FBLN1: variants seen among roughly 807,000 people sequenced by gnomAD.
The protein encoded by FBLN1 is fibulin 1.
A neutral mutation model predicts 89.7 loss-of-function variants in FBLN1; 34 were observed. The ratio of observed to expected loss-of-function variants is 0.38; its 90% confidence interval spans 0.29 to 0.50. The LOEUF is 0.50. FBLN1 is among the 20% of genes least tolerant of loss of function. FBLN1 has a pLI of 0.92. For missense variants in FBLN1, 777 were observed against 988.1 expected (o/e 0.79, Z 2.86); for synonymous variants, 393 against 391.3 (o/e 1.00, Z -0.05).
intron 1 of FBLN1, among the ~76,000 whole-genome samples, chr22:45,508,837 G>A (rs974989452): frequency 2.6e-5 from 4 of 152,220 alleles, no homozygotes; most frequent in Admixed American, 2.6e-4. Context: ...GGGGGCAGGA[G>A]GCAGAATGAG....
intron 2 of FBLN1, among the ~76,000 whole-genome samples, chr22:45,525,175 G>A (rs537351125): frequency 7.9e-6 from 1 of 127,214 alleles, no homozygotes; most frequent in African/African-American, 3.3e-5. Context: ...GAGAGAAAGG[G>A]AGAAAGAGAG....
chr22:45,589,708 G>A (rs1478911866), intron 16 of FBLN1, among the ~76,000 whole-genome samples: 1 of 152,040 alleles, frequency 6.6e-6, no homozygotes, highest in Non-Finnish European at 1.5e-5. Flanking sequence ...GAGAGAGAAG[G>A]GGCATGACTG....
At chr22:45,509,963 T>G (rs2088076425) in intron 1 of FBLN1, among the ~76,000 whole-genome samples, 1 of 152,134 alleles carries the variant, frequency 6.6e-6, no homozygotes, top group Non-Finnish European at 1.5e-5. Flanking sequence ...TCCCATTCAC[T>G]TTTAAAAACT....
chr22:45,511,953 C>G (rs2088107367), intron 1 of FBLN1, among the ~76,000 whole-genome samples: 1 of 152,094 alleles, frequency 6.6e-6, no homozygotes, highest in African/African-American at 2.4e-5. Context: ...TGGTCAGATG[C>G]AGGGGTCAGA....
intron 4 of FBLN1, among the ~76,000 whole-genome samples, chr22:45,529,872 A>G (rs2088380641): frequency 6.6e-6 from 1 of 152,150 alleles, no homozygotes; most frequent in South Asian, 2.1e-4. Flanking sequence ...GTCTCAAAAA[A>G]AATAATAAAA....
In FBLN1 at chr22:45,600,560, GC is replaced by G; in HGVS notation, c.*115del. 1.6e-6 allele frequency: 2 copies of G among 1,220,598 alleles called. No homozygotes were observed. The highest frequency in any genetic ancestry group is 2.4e-6 in the Non-Finnish European group (2 of 824,544). The allele number at this position is 1,220,598 out of a possible 1,614,324, so 75.6% of individuals were successfully genotyped here. A position where few individuals can be genotyped will look rare whatever the true frequency, so the allele number is the denominator to read the frequency against. ...ACTTTTTTAATGTTAGGTATTTGTAGCATTAGGCCAACATGTATTAAGCTGA... is the reference window on the plus strand; with the variant it reads ...ACTTTTTTAATGTTAGGTATTTGTAGATTAGGCCAACATGTATTAAGCTGA... On this transcript the variant is annotated 3_prime_UTR_variant, in exon 17 of 17. Coordinates refer to ENST00000327858, the MANE Select transcript of FBLN1 (RefSeq NM_006486.3).
intron 16 of FBLN1, among the ~76,000 whole-genome samples, chr22:45,589,933 C>T (rs1450220768): frequency 6.6e-6 from 1 of 152,174 alleles, no homozygotes; most frequent in Non-Finnish European, 1.5e-5. Context: ...GACACCAGTT[C>T]CCGGTTTGGG....
In FBLN1 at chr22:45,532,832, T is replaced by A; in HGVS notation, c.545-231T>A. On this transcript the variant is annotated intron_variant, in intron 5 of 16. Coordinates refer to ENST00000327858, the MANE Select transcript of FBLN1 (RefSeq NM_006486.3). The surrounding 1 kb of genome is among the most constrained non-coding windows in gnomAD (Gnocchi z 4.2). ...TACAAAGGGCACCCTGCACACCACC[T>A]GATTTTCCAGACGGGGAGGTTGGGA... 5.0e-6 allele frequency: 3 copies of A among 596,874 alleles called. No homozygotes were observed. The highest frequency in any genetic ancestry group is 9.0e-6 in the Non-Finnish European group (3 of 333,774). The allele number at this position is 596,874 out of a possible 1,614,324, so 37.0% of individuals were successfully genotyped here. A position where few individuals can be genotyped will look rare whatever the true frequency, so the allele number is the denominator to read the frequency against.
At chr22:45,598,878 G>A (rs1170009464) in intron 16 of FBLN1, among the ~76,000 whole-genome samples, 2 of 152,218 alleles carry the variant, frequency 1.3e-5, no homozygotes, top group Non-Finnish European at 2.9e-5. Context: ...GTTTGTTGCT[G>A]GGGAACCTAG....
At position 45,574,696 on chromosome 22, in the gene FBLN1, TC is replaced by T; in HGVS notation, c.1840+46del. ...GGGGGTCCCAGGGCCCCCTAGGGCC[TC>T]CCTCGGCTTCAGCTGAGGGCTTGGC... On this transcript the variant is annotated intron_variant, in intron 15 of 16. Coordinates refer to ENST00000327858, the MANE Select transcript of FBLN1 (RefSeq NM_006486.3). The surrounding 1 kb of genome is among the most constrained non-coding windows in gnomAD (Gnocchi z 4.1). The T allele has an allele frequency of 6.3e-7, 1 of 1,586,792 alleles. No individual in the cohort carries two copies. Among genetic ancestry groups the T allele is most frequent in the Non-Finnish European group, 8.6e-7 (1 of 1,163,968 alleles).
In FBLN1 at chr22:45,550,922, C is replaced by G; in HGVS notation, c.1697+307C>G. 1 of 458,330 alleles carries G rather than the reference C, an allele frequency of 2.2e-6. No individual in the cohort carries two copies. Among genetic ancestry groups the G allele is most frequent in the Non-Finnish European group, 4.0e-6 (1 of 247,302 alleles). The allele number at this position is 458,330 out of a possible 1,614,324, so 28.4% of individuals were successfully genotyped here. ...CTAGGGTGGAAGCCTTGGGCAAGCT[C>G]TCTGGGCCTCAGTTTCCTCATCTGT... On this transcript the variant is annotated intron_variant, in intron 14 of 16. Transcript: ENST00000327858. The surrounding 1 kb of genome is among the most constrained non-coding windows in gnomAD (Gnocchi z 8.4).
chr22:45,531,612 C>G lies in FBLN1; in HGVS notation c.544+288C>G, dbSNP rs1351445176. Among the ~76,000 whole-genome samples, 2 of 152,226 alleles carry G rather than the reference C, an allele frequency of 1.3e-5. No homozygotes were observed. The highest frequency in any genetic ancestry group is 4.8e-5 in the African/African-American group (2 of 41,454). On this transcript the variant is annotated intron_variant, in intron 5 of 16. Transcript: ENST00000327858. The surrounding 1 kb of genome is among the most constrained non-coding windows in gnomAD (Gnocchi z 4.9). The stretch of plus-strand genomic sequence containing the variant: ...GGAATCCAGGTTTTGCTTTGGTTTA[C>G]CCTGCAAAGTACCCTTTGGCTGGGA...
At chr22:45,599,630 C>G (rs907281635) in intron 16 of FBLN1, among the ~76,000 whole-genome samples, 2 of 152,164 alleles carry the variant, frequency 1.3e-5, no homozygotes, top group African/African-American at 4.8e-5. Context: ...TAAAACCTTT[C>G]AGGTAGGCCA....
chr22:45,559,990 G>C (rs1029940459), intron 14 of FBLN1, among the ~76,000 whole-genome samples: 3 of 152,182 alleles, frequency 2.0e-5, no homozygotes, highest in Non-Finnish European at 4.4e-5. Context: ...ATTCAAATTA[G>C]TCTTTTGTCC....
chr22:45,554,770 G>A (rs1288208737), intron 14 of FBLN1, among the ~76,000 whole-genome samples: 1 of 152,208 alleles, frequency 6.6e-6, no homozygotes, highest in African/African-American at 2.4e-5. Context: ...CTCCGCACCT[G>A]GGCCCTGCTT....
At chr22:45,585,603 C>T (rs139033146) in intron 16 of FBLN1, among the ~76,000 whole-genome samples, 31 of 152,342 alleles carry the variant, frequency 2.0e-4, no homozygotes, top group African/African-American at 7.2e-4. Context: ...AGCCCTGTCA[C>T]CCCGGGGGCC....
intron 11 of FBLN1, among the ~76,000 whole-genome samples, chr22:45,546,817 G>A (rs1000624124): frequency 6.6e-6 from 1 of 152,216 alleles, no homozygotes; most frequent in South Asian, 2.1e-4. Flanking sequence ...CCAGGTCGGG[G>A]CAGACTTCCA....
intron 16 of FBLN1, among the ~76,000 whole-genome samples, chr22:45,593,725 T>C (rs1601546328): frequency 6.6e-6 from 1 of 152,204 alleles, no homozygotes; most frequent in African/African-American, 2.4e-5. Flanking sequence ...GTGGCTCCCC[T>C]TTCCTTCAGG....
At position 45,556,388 on chromosome 22, in the gene FBLN1, C is replaced by T. The variant is rs371993873; in HGVS notation, c.1697+5773C>T. On this transcript the variant is annotated intron_variant, in intron 14 of 16. Coordinates refer to ENST00000327858, the MANE Select transcript of FBLN1 (RefSeq NM_006486.3). The surrounding 1 kb of genome is among the most constrained non-coding windows in gnomAD (Gnocchi z 4.6). ...GCTCGTAGCTGGTATTGATGACTGC[C>T]TTCTTCTACTACCCATTCTGTATTC... Among the ~76,000 whole-genome samples, 37 of 152,316 alleles carry T rather than the reference C, an allele frequency of 2.4e-4. No homozygotes were observed. In the South Asian group the frequency reaches 6.8e-3, roughly 28 times the overall value.
Sources: gnomAD v4.1 joint callset for allele counts (sites outside exome capture counted in the v4.1 genomes callset) on GRCh38, gnomAD v4.1.1 for gene constraint, Gnocchi (gnomAD v3.1) non-coding constraint, MANE v1.5 for transcripts, NCBI Gene and HGNC (gene_info 2026-07-23, HGNC 2026-07-21) for gene names.